SORCS2: variants seen among roughly 807,000 people sequenced by gnomAD.
The protein encoded by SORCS2 is VPS10 domain-containing receptor SorCS2.
Under a neutral mutation model 141.6 loss-of-function variants are expected in SORCS2, and 100 were observed. That is an observed-to-expected ratio of 0.71 (90% CI 0.60 to 0.83). The LOEUF (loss-of-function observed/expected upper bound fraction) is 0.83. Among genes scored for constraint, SORCS2 ranks in the 40% least tolerant of loss-of-function variants. The probability of loss-of-function intolerance (pLI) is 0.00; values close to 1 mark genes in which losing one functional copy is unlikely to be tolerated. For synonymous variants in SORCS2, 789 were observed against 676.9 expected (o/e 1.17, Z -2.57); for missense variants, 1,646 against 1,560.2 (o/e 1.05, Z -0.93).
chr4:7,214,181 C>G (rs1471149340), intron 1 of SORCS2, among the ~76,000 whole-genome samples: 2 of 152,132 alleles, frequency 1.3e-5, no homozygotes, highest in Non-Finnish European at 2.9e-5. Context: ...GCTTGAAACC[C>G]TCCTAAACTC....
At chr4:7,327,678 C>T (rs749311602) in intron 1 of SORCS2, among the ~76,000 whole-genome samples, 8 of 152,208 alleles carry the variant, frequency 5.3e-5, no homozygotes, top group South Asian at 2.1e-4. Context: ...TCTCCCGGGA[C>T]GTCTCTTGTC....
intron 2 of SORCS2, among the ~76,000 whole-genome samples, chr4:7,435,564 C>T (rs1727242706): frequency 6.6e-6 from 1 of 152,350 alleles, no homozygotes; most frequent in South Asian, 2.1e-4. Flanking sequence ...AAACTCAGGT[C>T]CTCGAGCCCA....
chr4:7,366,212 C>G (rs1721874918), intron 1 of SORCS2, among the ~76,000 whole-genome samples: 1 of 152,094 alleles, frequency 6.6e-6, no homozygotes, highest in East Asian at 1.9e-4. Context: ...CTTCCTTCCT[C>G]CCTCTCTTCC....
chr4:7,638,170 C>A (rs1720392466), intron 3 of SORCS2, among the ~76,000 whole-genome samples, 158 bp from the exon 4 acceptor site: 1 of 152,154 alleles, frequency 6.6e-6, no homozygotes, highest in South Asian at 2.1e-4. Flanking sequence ...TCCCTGGTAT[C>A]AGGAGGTGAA....
At chr4:7,704,940 C>A (rs573415381) in intron 14 of SORCS2, among the ~76,000 whole-genome samples, 3 of 152,240 alleles carry the variant, frequency 2.0e-5, no homozygotes, top group Admixed American at 1.3e-4. Context: ...TGCGACCCCG[C>A]GCTGTGGCAC....
chr4:7,670,556 G>A (rs1390279866), intron 8 of SORCS2, among the ~76,000 whole-genome samples: 4 of 152,178 alleles, frequency 2.6e-5, no homozygotes, highest in Non-Finnish European at 5.9e-5. Flanking sequence ...AGATGGCAGA[G>A]CAGGATGCCC....
rs139239212 is a variant in SORCS2, at chr4:7,309,565, A to G, written c.481-86723A>G. 1.1e-3 allele frequency among the ~76,000 whole-genome samples: 162 copies of G among 152,334 alleles called. 1 individual carries two copies. The highest frequency in any genetic ancestry group is 3.8e-3 in the African/African-American group (156 of 41,582). On this transcript the variant is annotated intron_variant, in intron 1 of 26. Coordinates refer to ENST00000507866, the MANE Select transcript of SORCS2 (RefSeq NM_020777.3). ...GGAGGAGTGAGAACCTGCCCTCCAC[A>G]CAGGCATGTGGCTTTGGCTTGCTGC...
intron 1 of SORCS2, among the ~76,000 whole-genome samples, chr4:7,391,059 G>A (rs1577489542): frequency 1.3e-5 from 2 of 152,134 alleles, no homozygotes; most frequent in African/African-American, 2.4e-5. Context: ...AGACCCTCCC[G>A]CAGTCTCCAA....
Position 7,740,625 on chromosome 4 carries a change from G to A in SORCS2, c.*361G>A, listed in dbSNP as rs16840963. 6.1e-3 allele frequency: 2,132 copies of A among 347,472 alleles called. 32 individuals carry two copies. The highest frequency in any genetic ancestry group is 0.04 in the African/African-American group (1,976 of 49,662). 21.5% of individuals were successfully genotyped at this position (347,472 alleles called of 1,614,324 possible). A position where few individuals can be genotyped will look rare whatever the true frequency, so the allele number is the denominator to read the frequency against. On this transcript the variant is annotated 3_prime_UTR_variant, in exon 27 of 27. Transcript: ENST00000507866. ...TGGAGCCCTCCCAGTACCTCGGGCT[G>A]CAAGAGCTGCAGACCCGTTCAGACA... is the stretch of plus-strand genomic sequence containing the variant.
chr4:7,595,073 A>G (rs1717171069), intron 3 of SORCS2, among the ~76,000 whole-genome samples: 1 of 152,188 alleles, frequency 6.6e-6, no homozygotes, highest in Admixed American at 6.5e-5. Flanking sequence ...GATGCCAGTC[A>G]CAAGTCCAGG....
At chr4:7,573,616 C>G (rs1715539612) in intron 3 of SORCS2, among the ~76,000 whole-genome samples, 1 of 152,170 alleles carries the variant, frequency 6.6e-6, no homozygotes, top group Non-Finnish European at 1.5e-5. Context: ...CTCCCAGGCT[C>G]AAGTGATTCT....
intron 8 of SORCS2, 97 bp from the exon 9 acceptor site, chr4:7,675,953 G>T (rs1723074816): frequency 1.4e-6 from 2 of 1,383,104 alleles, no homozygotes; most frequent in African/African-American, 1.4e-5. Flanking sequence ...AGAGCCAGGG[G>T]TCTTCTGCAC....
At chr4:7,558,767 A>AC (rs1028032447) in intron 3 of SORCS2, among the ~76,000 whole-genome samples, 11 of 150,870 alleles carry the variant, frequency 7.3e-5, no homozygotes, top group African/African-American at 2.7e-4. Context: ...CAACTCATAC[A>AC]CCCCCTCAGG....
intron 2 of SORCS2, among the ~76,000 whole-genome samples, chr4:7,412,806 C>G (rs1009507617): frequency 6.6e-6 from 1 of 152,084 alleles, no homozygotes; most frequent in Admixed American, 6.5e-5. Context: ...CCTTTTGGAT[C>G]CCTCCTCCCA....
At chr4:7,451,001 G>A (rs1289597645) in intron 2 of SORCS2, among the ~76,000 whole-genome samples, 1 of 148,650 alleles carries the variant, frequency 6.7e-6, no homozygotes, top group African/African-American at 2.5e-5. Flanking sequence ...GGTGAATGAG[G>A]GAGTGAATGA....
At chr4:7,571,988 G>A (rs991486016) in intron 3 of SORCS2, among the ~76,000 whole-genome samples, 3 of 152,032 alleles carry the variant, frequency 2.0e-5, no homozygotes, top group African/African-American at 7.3e-5. Flanking sequence ...CTCCATCCTG[G>A]GCCTGCAGGA....
At chr4:7,271,536 C>G (rs981455362) in intron 1 of SORCS2, among the ~76,000 whole-genome samples, 2 of 152,230 alleles carry the variant, frequency 1.3e-5, no homozygotes, top group African/African-American at 4.8e-5. Flanking sequence ...TCTAAGATGT[C>G]AACACCCCCA....
chr4:7,676,193 G>T lies in SORCS2; in HGVS notation c.1305G>T (p.Arg435=). Residue 435 remains arginine, a synonymous_variant, in exon 9 of 27, where the codon CGG becomes CGT. Transcript: ENST00000507866. ...TGCTGCAGGACGTGCGCAGCTCACG[G>T]CAGGCGGAGGAGAGCGTGCTCATCG... is the stretch of plus-strand genomic sequence containing the variant. ...ALVLQDVRSS[R]QAEESVLIDI... is the part of the protein sequence containing the mutation. 2 of 1,552,930 alleles carry T rather than the reference G, an allele frequency of 1.3e-6. No homozygotes were observed. The highest frequency in any genetic ancestry group is 1.7e-6 in the Non-Finnish European group (2 of 1,147,832).
intron 2 of SORCS2, among the ~76,000 whole-genome samples, chr4:7,476,263 A>G (rs1428921937): frequency 6.6e-6 from 1 of 152,202 alleles, no homozygotes; most frequent in Non-Finnish European, 1.5e-5. Context: ...AGATTGATAC[A>G]TTTAAGAACT....
Sources: gnomAD v4.1 joint callset for allele counts (sites outside exome capture counted in the v4.1 genomes callset) on GRCh38, gnomAD v4.1.1 for gene constraint, MANE v1.5 for transcripts, NCBI Gene and HGNC (gene_info 2026-07-23, HGNC 2026-07-21) for gene names.